The following RSPO4 variants were observed in gnomAD, a reference collection of about 807,000 sequenced individuals.
The protein encoded by RSPO4 is R-spondin-4.
RSPO4 carries 23 observed loss-of-function variants against 24.8 expected under a neutral mutation model. That is an observed-to-expected ratio of 0.93 (90% CI 0.67 to 1.31). The LOEUF (loss-of-function observed/expected upper bound fraction) is 1.31. Ranked by LOEUF, RSPO4 falls within the 40% of genes most tolerant of loss-of-function variation. RSPO4 has a pLI of 0.00. For synonymous variants in RSPO4, 141 were observed against 127.4 expected (o/e 1.11, Z -0.72); for missense variants, 333 against 316.5 (o/e 1.05, Z -0.39).
rs372915135 is a variant in RSPO4 at position 997,011 on chromosome 20, C to T, written c.79+5075G>A. ...ATGATTCATTTCTATATCTATTGCA[C>T]GGGCTTCGGAGCCTCCAAAACTCTG... is the stretch of plus-strand genomic sequence containing the variant. On this transcript the variant is annotated intron_variant, in intron 1 of 4. Transcript: ENST00000217260. Among the ~76,000 whole-genome samples the T allele has an allele frequency of 3.9e-5, 6 of 152,350 alleles. No individual in the cohort carries two copies. The East Asian group carries it at 7.7e-4, about 20-fold the overall frequency.
Position 960,288 on chromosome 20 carries a change from G to A in RSPO4, c.*69C>T, listed in dbSNP as rs1180380722. ...CAGAGGAGAAAGAGTAAGAGGAGAG[G>A]AGGAGAAGGAGCAGGAGGAGGTGTG... On this transcript the variant is annotated 3_prime_UTR_variant, in exon 5 of 5. Transcript: ENST00000217260. 2 of 927,058 alleles carry A rather than the reference G, an allele frequency of 2.2e-6. No homozygotes were observed. The highest frequency in any genetic ancestry group is 3.4e-6 in the Non-Finnish European group (2 of 591,188). 57.4% of individuals were successfully genotyped at this position (927,058 alleles called of 1,614,324 possible).
chr20:994,951 G>A (rs1243068085), intron 1 of RSPO4, among the ~76,000 whole-genome samples: 1 of 152,212 alleles, frequency 6.6e-6, no homozygotes, highest in African/African-American at 2.4e-5. Context: ...GGAAACTGAG[G>A]CTCTGAGAGG....
rs1198610097 is a variant in RSPO4, at chr20:976,505, G to C, written c.80-8367C>G. ...AAGCTCAGGTTCACCCACATCCTGA[G>C]AACTGCCCCAAGCACCTTGTTTCAA... On this transcript the variant is annotated intron_variant, in intron 1 of 4. Transcript: ENST00000217260. Among the ~76,000 whole-genome samples, 5 of 152,168 alleles carry C rather than the reference G, an allele frequency of 3.3e-5. No homozygotes were observed. The East Asian group carries it at 9.6e-4, about 29-fold the overall frequency.
chr20:969,983 T>C lies in RSPO4; in HGVS notation c.80-1845A>G, dbSNP rs542639660. ...GCTCTCAGATGCTCCCCTCTTCCTA[T>C]TGGTGCCCCATCTCCCTTTTAGAGG... On this transcript the variant is annotated intron_variant, in intron 1 of 4. Transcript: ENST00000217260. 2.0e-3 allele frequency among the ~76,000 whole-genome samples: 299 copies of C among 152,280 alleles called. 1 individual carries two copies. Among genetic ancestry groups the C allele is most frequent in the Middle Eastern group, 3.4e-3 (1 of 294 alleles).
At chr20:971,443 T>A (rs758112624) in intron 1 of RSPO4, among the ~76,000 whole-genome samples, 1 of 152,226 alleles carries the variant, frequency 6.6e-6, no homozygotes, top group Non-Finnish European at 1.5e-5. Flanking sequence ...AGCAAACAAC[T>A]GCAAAAAGCT....
At chr20:985,268 T>TCCCC (rs1555796899) in intron 1 of RSPO4, among the ~76,000 whole-genome samples, 1 of 119,496 alleles carries the variant, frequency 8.4e-6, no homozygotes, top group African/African-American at 3.9e-5. Context: ...TATCCATCCA[T>TCCCC]CCACCCACCC....
intron 1 of RSPO4, among the ~76,000 whole-genome samples, chr20:985,431 A>C (rs1984889234): frequency 6.6e-6 from 1 of 152,264 alleles, no homozygotes; most frequent in South Asian, 2.1e-4. Context: ...GACAAATCAC[A>C]GACCTGTAGA....
chr20:992,127 C>T (rs1985125242), intron 1 of RSPO4, among the ~76,000 whole-genome samples: 1 of 152,194 alleles, frequency 6.6e-6, no homozygotes, highest in Non-Finnish European at 1.5e-5. Context: ...CCCATCATGG[C>T]TTCCCCCCAA....
At position 981,705 on chromosome 20, in the gene RSPO4, G is replaced by A. The variant is rs1984740211; in HGVS notation, c.80-13567C>T. On this transcript the variant is annotated intron_variant, in intron 1 of 4. Transcript: ENST00000217260. The surrounding 1 kb of genome is among the most constrained non-coding windows in gnomAD (Gnocchi z 4.6). The stretch of plus-strand genomic sequence containing the variant: ...GTTCATGTGTGCCCGACATGTGTGT[G>A]TTTGGGGGACAGGGGCAGGTATGTG... 6.6e-6 allele frequency among the ~76,000 whole-genome samples: 1 copy of A among 152,182 alleles called. No individual in the cohort carries two copies. The highest frequency in any genetic ancestry group is 2.1e-4 in the South Asian group (1 of 4,828).
chr20:981,386 G>C lies in RSPO4; in HGVS notation c.80-13248C>G, dbSNP rs1395495081. Reference sequence around the variant, plus strand: ...CTAAAAATACAAAAATCAGCTGGGCGTGGTGGTGCACACCTGTAATCCCAG... The same window carrying C: ...CTAAAAATACAAAAATCAGCTGGGCCTGGTGGTGCACACCTGTAATCCCAG... On this transcript the variant is annotated intron_variant, in intron 1 of 4. Transcript: ENST00000217260. The surrounding 1 kb of genome is among the most constrained non-coding windows in gnomAD (Gnocchi z 4.6). 6.6e-6 allele frequency among the ~76,000 whole-genome samples: 1 copy of C among 152,102 alleles called. No homozygotes were observed. Among genetic ancestry groups the C allele is most frequent in the South Asian group, 2.1e-4 (1 of 4,830 alleles).
chr20:978,693 T>G (rs1984643832), intron 1 of RSPO4, among the ~76,000 whole-genome samples: 1 of 151,490 alleles, frequency 6.6e-6, no homozygotes, highest in Non-Finnish European at 1.5e-5. Flanking sequence ...AAGGTGGGAG[T>G]GAAAGTCCAG....
intron 3 of RSPO4, among the ~76,000 whole-genome samples, chr20:965,616 G>A (rs1173972855): frequency 6.6e-6 from 1 of 152,212 alleles, no homozygotes; most frequent in East Asian, 1.9e-4. Context: ...CCAGAACCCT[G>A]GCGATAGGCA....
At position 981,196 on chromosome 20, in the gene RSPO4, T is replaced by C. The variant is rs988692072; in HGVS notation, c.80-13058A>G. On this transcript the variant is annotated intron_variant, in intron 1 of 4. Transcript: ENST00000217260. The surrounding 1 kb of genome is among the most constrained non-coding windows in gnomAD (Gnocchi z 4.6). Reference sequence around the variant, plus strand: ...CTGCCTTACCCTGTTGGTCTGATGATGAACGTGGAGCGGGAAAATGGGAGT... The same window carrying C: ...CTGCCTTACCCTGTTGGTCTGATGACGAACGTGGAGCGGGAAAATGGGAGT... Among the ~76,000 whole-genome samples, 2 of 152,154 alleles carry C rather than the reference T, an allele frequency of 1.3e-5. No homozygotes were observed. The highest frequency in any genetic ancestry group is 2.9e-5 in the Non-Finnish European group (2 of 68,026).
chr20:968,060 C>G lies in RSPO4; in HGVS notation c.158G>C (p.Arg53Thr), dbSNP rs1454405187. Residue 53 changes from arginine (R) to threonine (T), a missense_variant, in exon 2 of 5, where the codon AGG becomes ACG. Coordinates refer to ENST00000217260, the MANE Select transcript of RSPO4 (RefSeq NM_001029871.4). ...TTCCCGGCGGATGAACAGGAAGAGC[C>G]TCTGCTGGCAGGTGGAACAGCCGTT... is the stretch of plus-strand genomic sequence containing the variant. ...EENGCSTCQQRLFLFIRREGI... is the reference protein window; with the variant it reads ...EENGCSTCQQTLFLFIRREGI... The G allele has an allele frequency of 6.2e-7, 1 of 1,614,226 alleles. No individual in the cohort carries two copies. The highest frequency in any genetic ancestry group is 8.5e-7 in the Non-Finnish European group (1 of 1,180,044).
At chr20:987,017 G>A (rs17703183) in intron 1 of RSPO4, among the ~76,000 whole-genome samples, 230 of 152,320 alleles carry the variant, frequency 1.5e-3, no homozygotes, top group Non-Finnish European at 2.7e-3. Flanking sequence ...ATTAGGCAGA[G>A]TCTATTATCT....
intron 1 of RSPO4, among the ~76,000 whole-genome samples, chr20:989,027 T>TGAAC (rs1283290381): frequency 6.6e-6 from 1 of 152,220 alleles, no homozygotes; most frequent in Non-Finnish European, 1.5e-5. Context: ...GTACTTGTTC[T>TGAAC]GAGTTCCTCT....
chr20:989,550 A>G (rs955271330), intron 1 of RSPO4, among the ~76,000 whole-genome samples: 2 of 152,136 alleles, frequency 1.3e-5, no homozygotes, highest in African/African-American at 4.8e-5. Context: ...TGAATGAGAA[A>G]AGGGGAAAGA....
intron 1 of RSPO4, among the ~76,000 whole-genome samples, chr20:969,302 C>T (rs909552891): frequency 9.8e-5 from 15 of 152,308 alleles, no homozygotes; most frequent in Middle Eastern, 3.4e-3. Context: ...AGAGTGAAGC[C>T]ATGTTTCCAA....
chr20:992,618 A>G (rs1386228214), intron 1 of RSPO4, among the ~76,000 whole-genome samples: 1 of 151,880 alleles, frequency 6.6e-6, no homozygotes, highest in East Asian at 1.9e-4. Flanking sequence ...CATCTTGAAA[A>G]CCATATGAGG....
Sources: gnomAD v4.1 joint callset for allele counts (sites outside exome capture counted in the v4.1 genomes callset) on GRCh38, gnomAD v4.1.1 for gene constraint, Gnocchi (gnomAD v3.1) non-coding constraint, MANE v1.5 for transcripts, NCBI Gene and HGNC (gene_info 2026-07-23, HGNC 2026-07-21) for gene names.